Variants in PCDH15 observed in about 807,000 individuals in gnomAD.
PCDH15 encodes the protein protocadherin related 15, also known as protocadherin-15.
A neutral mutation model predicts 178.5 loss-of-function variants in PCDH15; 129 were observed. The observed-to-expected ratio is 0.72, with a 90% CI of 0.63 to 0.84. The LOEUF (loss-of-function observed/expected upper bound fraction) is 0.84. Among genes scored for constraint, PCDH15 ranks in the 40% least tolerant of loss-of-function variants. The probability of loss-of-function intolerance (pLI) is 0.00; values close to 1 mark genes in which losing one functional copy is unlikely to be tolerated. For synonymous variants in PCDH15, 800 were observed against 732.0 expected, an observed-to-expected ratio of 1.09 and a Z score of -1.50; for missense variants, 2,230 against 2,099.9, an observed-to-expected ratio of 1.06 and a Z score of -1.21.
At chr10:53,814,298 A>C (rs1370748440) in intron 35 of PCDH15, among the ~76,000 whole-genome samples, 2 of 152,224 alleles carry the variant, frequency 1.3e-5, no homozygotes, top group Non-Finnish European at 2.9e-5. Context: ...AAGAAACACG[A>C]AATAAAAATT....
At chr10:55,338,744 C>T (rs1013965191) in intron 2 of PCDH15, among the ~76,000 whole-genome samples, 2 of 152,064 alleles carry the variant, frequency 1.3e-5, no homozygotes, top group African/African-American at 4.8e-5. Flanking sequence ...CACTGCACTC[C>T]AGCTCAGGTG....
upstream of PCDH15, among the ~76,000 whole-genome samples, chr10:55,320,767 A>C (rs1843875064): frequency 6.6e-6 from 1 of 152,194 alleles, no homozygotes; most frequent in South Asian, 2.1e-4. Context: ...TAAAAGAAAA[A>C]TAAAAAGCTC....
chr10:54,944,642 G>A (rs1838148476), intron 2 of PCDH15, among the ~76,000 whole-genome samples: 1 of 151,928 alleles, frequency 6.6e-6, no homozygotes, highest in Admixed American at 6.6e-5. Context: ...GCAGAAGACA[G>A]AAGAAGCATT....
rs1554814683 is a variant in PCDH15 at position 53,806,710 on chromosome 10, G to A, written c.5092C>T (p.Gln1698Ter). Residue 1698 changes from glutamine to a stop codon, truncating the protein, a stop_gained, in exon 38 of 38, where the codon CAG (glutamine) becomes TAG (stop). Transcript: ENST00000644397. LOFTEE classifies it high-confidence loss of function. ...TTCTTACTGTCAATCATGGACTCCT[G>A]TTCAACTGTGCTTTTCAGCCTGTTC... Reference protein sequence around the residue: ...LRNRLKSTVEQESMIDSKNIK... With the variant: ...LRNRLKSTVE 6.2e-7 allele frequency: 1 copy of A among 1,613,798 alleles called. No homozygotes were observed. Among genetic ancestry groups the A allele is most frequent in the Non-Finnish European group, 8.5e-7 (1 of 1,179,800 alleles).
chr10:54,875,462 A>G (rs546706244), intron 3 of PCDH15, among the ~76,000 whole-genome samples: 2 of 152,282 alleles, frequency 1.3e-5, no homozygotes, highest in African/African-American at 4.8e-5. Context: ...AACTAAGCTT[A>G]GTGAAGAATA....
At chr10:54,595,333 T>C (rs1703719222) in intron 2 of PCDH15, among the ~76,000 whole-genome samples, 1 of 152,190 alleles carries the variant, frequency 6.6e-6, no homozygotes, top group Non-Finnish European at 1.5e-5. Context: ...TGCAGAGTGC[T>C]GAGCTGAGCC....
At position 55,248,503 on chromosome 10, in the gene PCDH15, T is replaced by C. The variant is rs201702165; in HGVS notation, c.-156+71096A>G. On this transcript the variant is annotated intron_variant, in intron 1 of 5. Transcript: ENST00000458638. ...CTATTATGAGATAAAGGCCAAGATG[T>C]ATGGAATTATAAATGGATACGCGGA... 5.3e-5 allele frequency among the ~76,000 whole-genome samples: 8 copies of C among 152,176 alleles called. No individual in the cohort carries two copies. In the East Asian group the frequency reaches 1.5e-3, roughly 29 times the overall value.
Position 54,492,334 on chromosome 10 carries a change from T to G in PCDH15, c.157+35478A>C, listed in dbSNP as rs9416363. 3.6e-3 allele frequency among the ~76,000 whole-genome samples: 547 copies of G among 152,296 alleles called. 2 individuals are homozygous for G. The highest frequency in any genetic ancestry group is 0.012 in the African/African-American group (495 of 41,576). ...GCTCAGCTGTCTGAGGCAAATACTG[T>G]GAGTCTTCAGGTCTCTGTAAATTGT... On this transcript the variant is annotated intron_variant, in intron 3 of 37. Transcript: ENST00000644397.
intron 15 of PCDH15, among the ~76,000 whole-genome samples, chr10:54,096,088 TTAAA>T (rs1429959396): frequency 6.6e-6 from 1 of 152,134 alleles, no homozygotes; most frequent in Non-Finnish European, 1.5e-5. Flanking sequence ...AGCTTAAAAA[TTAAA>T]TAATTTGCCA....
intron 1 of PCDH15, among the ~76,000 whole-genome samples, chr10:54,794,228 C>A (rs529446062): frequency 6.6e-6 from 1 of 150,552 alleles, no homozygotes; most frequent in Non-Finnish European, 1.5e-5. Context: ...CACAGCAATG[C>A]TCTTTGCTTT....
At chr10:54,316,671 TG>T (rs1236015494) in intron 8 of PCDH15, among the ~76,000 whole-genome samples, 1 of 152,144 alleles carries the variant, frequency 6.6e-6, no homozygotes, top group East Asian at 1.9e-4. Flanking sequence ...ATCAATCATC[TG>T]GGGAGGTCCA....
chr10:53,824,499 G>A (rs2076539879), intron 32 of PCDH15, among the ~76,000 whole-genome samples: 1 of 152,180 alleles, frequency 6.6e-6, no homozygotes, highest in Non-Finnish European at 1.5e-5. Flanking sequence ...TAAAGCCACA[G>A]TTGTTAATGT....
At chr10:54,195,029 C>T (rs1290697521) in intron 11 of PCDH15, among the ~76,000 whole-genome samples, 1 of 152,158 alleles carries the variant, frequency 6.6e-6, no homozygotes, top group Non-Finnish European at 1.5e-5. Flanking sequence ...TTCTGTTCTC[C>T]ATTGTAAATT....
intron 15 of PCDH15, among the ~76,000 whole-genome samples, chr10:54,092,979 T>C (rs2094625083): frequency 6.6e-6 from 1 of 152,184 alleles, no homozygotes; most frequent in Non-Finnish European, 1.5e-5. Context: ...TGAAACAAGA[T>C]AGCTTCATGT....
chr10:54,963,341 T>G (rs910104826), intron 2 of PCDH15, among the ~76,000 whole-genome samples: 8 of 152,174 alleles, frequency 5.3e-5, no homozygotes, highest in Admixed American at 1.3e-4. Context: ...ATGTGTTTTT[T>G]TTTTTTTACT....
At chr10:54,452,359 T>C (rs1416640434) in intron 3 of PCDH15, 1 of 152,028 alleles carries the variant, frequency 6.6e-6, no homozygotes, top group East Asian at 1.9e-4. Flanking sequence ...ATTCTACCCC[T>C]TAGACACTGG....
intron 26 of PCDH15, among the ~76,000 whole-genome samples, chr10:53,884,028 AAAAC>A (rs1403176097): frequency 2.0e-5 from 3 of 151,212 alleles, no homozygotes; most frequent in Admixed American, 6.6e-5. Context: ...TTTTTGTAAA[AAAAC>A]AAAACAAAAC....
chr10:54,329,591 C>T lies in PCDH15; in HGVS notation c.705+5G>A. The stretch of plus-strand genomic sequence containing the variant: ...GAAGAAATTTAAAAGAAATTGAATA[C>T]TCACATTAGCTTGGATTATGACAAA... On this transcript the variant is annotated splice_donor_5th_base_variant and intron_variant, in intron 7 of 37. Coordinates refer to ENST00000644397, the MANE Select transcript of PCDH15 (RefSeq NM_001384140.1). 1.3e-6 allele frequency: 2 copies of T among 1,559,400 alleles called. No homozygotes were observed. Among genetic ancestry groups the T allele is most frequent in the Non-Finnish European group, 8.8e-7 (1 of 1,130,970 alleles).
chr10:55,215,108 C>A (rs2132175555), intron 1 of PCDH15, among the ~76,000 whole-genome samples: 1 of 152,116 alleles, frequency 6.6e-6, no homozygotes, highest in African/African-American at 2.4e-5. Context: ...AGCTAATTGG[C>A]CCCCAAAGGG....
Sources: allele counts gnomAD v4.1 joint callset (sites outside exome capture counted in the v4.1 genomes callset), GRCh38; gene constraint gnomAD v4.1.1; transcripts MANE v1.5; gene names NCBI Gene and HGNC (gene_info 2026-07-23, HGNC 2026-07-21).